Variants in TENM3 observed in about 807,000 individuals in gnomAD.
TENM3 encodes teneurin-3.
Under a neutral mutation model 255.1 loss-of-function variants are expected in TENM3, and 63 were observed. The observed-to-expected ratio is 0.25, with a 90% confidence interval of 0.20 to 0.30. The LOEUF (loss-of-function observed/expected upper bound fraction) is 0.30, where lower values mean the gene tolerates loss of function less well. Ranked by LOEUF, TENM3 falls within the 10% of genes least tolerant of loss-of-function variation. TENM3 has a pLI of 1.00. For missense variants in TENM3, 2,929 were observed against 3,461.1 expected (o/e 0.85, Z 3.86); for synonymous variants, 1,306 against 1,322.3 (o/e 0.99, Z 0.27).
chr4:181,723,817 T>C, the TENM3 span, among the ~76,000 whole-genome samples: 1 of 152,174 alleles, frequency 6.6e-6, no homozygotes, highest in Admixed American at 6.5e-5. Context: ...TCTCAATGGA[T>C]TTTTGATACT....
rs11348241 is a variant in TENM3, at chr4:182,719,252, C to CTTTTTTTTTTT, written c.2368+5036_2368+5046dup. On this transcript the variant is annotated intron_variant, in intron 13 of 27. Coordinates refer to ENST00000511685, the MANE Select transcript of TENM3 (RefSeq NM_001080477.4). ...AGTAAAATAGAGTTCTTTTTTTTTT[C>CTTTTTTTTTTT]TTTTTTTTTTTTTTTTTTTTTTTTT... Among the ~76,000 whole-genome samples, 292 of 80,922 alleles carry CTTTTTTTTTTT rather than the reference C, an allele frequency of 3.6e-3. 1 individual carries two copies. Among genetic ancestry groups the CTTTTTTTTTTT allele is most frequent in the African/African-American group, 4.7e-3 (89 of 18,958 alleles). 53.1% of individuals were successfully genotyped at this position (80,922 alleles called of 152,430 possible).
chr4:181,913,734 G>A, the TENM3 span, among the ~76,000 whole-genome samples: 1 of 152,128 alleles, frequency 6.6e-6, no homozygotes, highest in Non-Finnish European at 1.5e-5. Flanking sequence ...CTTTAAAATG[G>A]AGAACAAAGA....
At chr4:182,759,189 A>G (rs1245560370) in intron 22 of TENM3, among the ~76,000 whole-genome samples, 3 of 152,280 alleles carry the variant, frequency 2.0e-5, no homozygotes, top group Non-Finnish European at 2.9e-5. Context: ...AATGAAATGT[A>G]AAAGTATTTC....
intron 19 of TENM3, chr4:182,744,093 C>CTT (rs957977132): frequency 0.089 from 39,294 of 441,656 alleles, 502 homozygotes; most frequent in African/African-American, 0.13. Context: ...ACTGTGCTTT[C>CTT]TTTTTTTTTT....
the TENM3 span, among the ~76,000 whole-genome samples, chr4:181,658,844 C>A: frequency 2.6e-5 from 4 of 152,298 alleles, no homozygotes. Flanking sequence ...GAAGCTCCAG[C>A]TTGTGGGAGA....
intron 4 of TENM3, among the ~76,000 whole-genome samples, chr4:182,608,832 A>T (rs1748689389): frequency 6.6e-6 from 1 of 152,026 alleles, no homozygotes; most frequent in South Asian, 2.1e-4. Context: ...TGCTCTGCGG[A>T]CCATAAAAAT....
At chr4:182,501,503 T>TA (rs990331963) in intron 3 of TENM3, among the ~76,000 whole-genome samples, 1 of 152,128 alleles carries the variant, frequency 6.6e-6, no homozygotes, top group Non-Finnish European at 1.5e-5. Flanking sequence ...CATAAATTTT[T>TA]AAAAATTAAA....
the TENM3 span, among the ~76,000 whole-genome samples, chr4:181,823,626 G>A: frequency 6.6e-6 from 1 of 152,082 alleles, no homozygotes; most frequent in Admixed American, 6.6e-5. Context: ...TTTCTTGCCT[G>A]ATGAGCTTCT....
At chr4:182,701,922 C>CTT (rs1421375212) in intron 12 of TENM3, among the ~76,000 whole-genome samples, 1 of 152,120 alleles carries the variant, frequency 6.6e-6, no homozygotes, top group Non-Finnish European at 1.5e-5. Flanking sequence ...AATGAAAAAT[C>CTT]TTTAGCAAAC....
the TENM3 span, among the ~76,000 whole-genome samples, chr4:181,492,710 G>A: frequency 2.6e-5 from 4 of 151,956 alleles, no homozygotes; most frequent in Non-Finnish European, 5.9e-5. Flanking sequence ...AATACAACAG[G>A]CAAACAAGTT....
chr4:182,351,035 A>G (rs1765142016), intron 3 of TENM3, among the ~76,000 whole-genome samples: 1 of 152,152 alleles, frequency 6.6e-6, no homozygotes, highest in South Asian at 2.1e-4. Context: ...CCAGCTTTGC[A>G]AGTGCTATAA....
intron 1 of TENM3, among the ~76,000 whole-genome samples, chr4:182,269,721 A>C (rs1759488296): frequency 6.6e-6 from 1 of 152,106 alleles, no homozygotes; most frequent in African/African-American, 2.4e-5. Context: ...AGTTATCGTA[A>C]TTAAGGGAAA....
intron 1 of TENM3, among the ~76,000 whole-genome samples, chr4:182,310,954 C>G (rs2150415768): frequency 6.6e-6 from 1 of 152,314 alleles, no homozygotes; most frequent in Non-Finnish European, 1.5e-5. Flanking sequence ...CAGTGATCCA[C>G]CCGCCTTGGC....
the TENM3 span, among the ~76,000 whole-genome samples, chr4:181,675,475 C>T: frequency 6.6e-6 from 1 of 151,438 alleles, no homozygotes; most frequent in Non-Finnish European, 1.5e-5. Context: ...GGGAAATAAA[C>T]ATTAATTAGA....
At chr4:181,453,212 C>A in the TENM3 span, among the ~76,000 whole-genome samples, 1 of 151,944 alleles carries the variant, frequency 6.6e-6, no homozygotes, top group Non-Finnish European at 1.5e-5. Flanking sequence ...TGGGTATTAA[C>A]CAAGATAGAA....
the TENM3 span, among the ~76,000 whole-genome samples, chr4:181,926,532 C>T: frequency 6.6e-6 from 1 of 152,114 alleles, no homozygotes; most frequent in African/African-American, 2.4e-5. Flanking sequence ...TAAGACCAAC[C>T]ATAAAATCTC....
At chr4:181,531,407 A>C in the TENM3 span, among the ~76,000 whole-genome samples, 1 of 152,208 alleles carries the variant, frequency 6.6e-6, no homozygotes, top group African/African-American at 2.4e-5. Context: ...CAGGGGACTT[A>C]TGCATAAGTA....
At chr4:182,362,979 T>C (rs1163531033) in intron 3 of TENM3, among the ~76,000 whole-genome samples, 4 of 152,076 alleles carry the variant, frequency 2.6e-5, no homozygotes, top group Non-Finnish European at 4.4e-5. Flanking sequence ...TACCTTTCTG[T>C]CTAAGATTGA....
At chr4:182,733,179 C>T (rs1327026881) in intron 16 of TENM3, among the ~76,000 whole-genome samples, 3 of 152,118 alleles carry the variant, frequency 2.0e-5, no homozygotes, top group Non-Finnish European at 4.4e-5. Flanking sequence ...GACATTTCAG[C>T]ACAAACTTTA....
Sources: gnomAD v4.1 joint callset for allele counts (sites outside exome capture counted in the v4.1 genomes callset) on GRCh38, gnomAD v4.1.1 for gene constraint, MANE v1.5 for transcripts, NCBI Gene and HGNC (gene_info 2026-07-23, HGNC 2026-07-21) for gene names.